The following CCNH variants were observed in gnomAD, a reference collection of about 807,000 sequenced individuals.
CCNH encodes the protein cyclin-H.
A neutral mutation model predicts 41.9 loss-of-function variants in CCNH; 31 were observed. The observed-to-expected ratio is 0.74, with a 90% CI of 0.56 to 1.00. The LOEUF is 1.00. CCNH is among the 50% of genes least tolerant of loss of function. CCNH has a pLI of 0.00. For synonymous variants in CCNH, 138 were observed against 136.1 expected (o/e 1.01, Z -0.10); for missense variants, 362 against 388.4 (o/e 0.93, Z 0.57).
downstream of CCNH, among the ~76,000 whole-genome samples, chr5:87,373,056 T>C (rs1761064942): frequency 6.6e-6 from 1 of 152,156 alleles, no homozygotes; most frequent in African/African-American, 2.4e-5. Context: ...GGATTTTTGC[T>C]AATAAGAGCA....
rs765869491 is a variant in CCNH, at chr5:87,353,193, G to A, written c.*91-34296C>T. On this transcript the variant is annotated intron_variant and NMD_transcript_variant, in intron 9 of 9. Coordinates refer to the CCNH transcript ENST00000645953. ...TCATAGATCACTATCGAAAAGAACA[G>A]ATTGTTGAAGGATATTATCTTAAGG... 4.3e-6 allele frequency: 7 copies of A among 1,610,564 alleles called. No individual in the cohort carries two copies. The East Asian group carries it at 1.3e-4, about 31-fold the overall frequency.
At chr5:87,334,142 C>T (rs1269617706) in intron 9 of CCNH, among the ~76,000 whole-genome samples, 2 of 151,980 alleles carry the variant, frequency 1.3e-5, no homozygotes, top group African/African-American at 4.8e-5. Context: ...TAGATGGAGA[C>T]AGTAAAGACC....
chr5:87,319,567 T>TAGCCAC (rs1756621093), intron 9 of CCNH, among the ~76,000 whole-genome samples: 1 of 152,156 alleles, frequency 6.6e-6, no homozygotes, highest in African/African-American at 2.4e-5. Flanking sequence ...TGGCCCCTTT[T>TAGCCAC]AGCCACAGCC....
At chr5:87,348,874 T>C (rs1202041391) in intron 9 of CCNH, among the ~76,000 whole-genome samples, 2 of 152,048 alleles carry the variant, frequency 1.3e-5, no homozygotes. Context: ...ATACAGAATT[T>C]AGCAGTTTTA....
At chr5:87,368,266 G>T (rs948142451) in intron 9 of CCNH, among the ~76,000 whole-genome samples, 4 of 151,640 alleles carry the variant, frequency 2.6e-5, no homozygotes, top group African/African-American at 9.7e-5. Flanking sequence ...ACTTTTTCAG[G>T]ACTTCATTTT....
At chr5:87,383,891 C>T (rs1267405954) in intron 9 of CCNH, 2 of 945,684 alleles carry the variant, frequency 2.1e-6, no homozygotes, top group Non-Finnish European at 3.2e-6. Flanking sequence ...CAATTCTAGT[C>T]ATGGCATATA....
chr5:87,344,322 G>C (rs868706637), intron 9 of CCNH, among the ~76,000 whole-genome samples: 38 of 151,802 alleles, frequency 2.5e-4, no homozygotes, highest in African/African-American at 8.7e-4. Context: ...CAAAATAGTT[G>C]TATACATTAC....
In CCNH at chr5:87,332,619, C is replaced by G. The variant is rs756002498; in HGVS notation, c.*91-13722G>C. ...TTGTTTGCTTAAAGGAGAAAAATTA[C>G]TTTACCCAGTTGCACCACCAGAGGC... On this transcript the variant is annotated intron_variant and NMD_transcript_variant, in intron 9 of 9. Coordinates refer to the CCNH transcript ENST00000645953. The G allele has an allele frequency of 1.2e-6, 2 of 1,610,728 alleles. No homozygotes were observed. The highest frequency in any genetic ancestry group is 4.5e-5 in the East Asian group (2 of 44,682).
chr5:87,405,107 T>C (rs746108535), intron 4 of CCNH, 100 bp from the exon 5 acceptor site: 30 of 796,186 alleles, frequency 3.8e-5, no homozygotes, highest in Non-Finnish European at 6.2e-5. Context: ...ATATATGCTA[T>C]AACATATCTA....
At chr5:87,392,528 C>T, downstream of CCNH, 1 of 354,348 alleles carries the variant, frequency 2.8e-6, no homozygotes, top group South Asian at 2.2e-5. Context: ...AACATAGTAT[C>T]CCAGGTGGTC....
In CCNH at chr5:87,404,172, G is replaced by A. The variant is rs186651225; in HGVS notation, c.689+672C>T. On this transcript the variant is annotated intron_variant, in intron 5 of 8. Coordinates refer to ENST00000256897, the MANE Select transcript of CCNH (RefSeq NM_001239.4). ...ATATTATGAAATGTGAAATACCCAAGTGATGTCTGTAATCAGGAATATTAA... is the reference window on the plus strand; with the variant it reads ...ATATTATGAAATGTGAAATACCCAAATGATGTCTGTAATCAGGAATATTAA... 1.6e-3 allele frequency among the ~76,000 whole-genome samples: 240 copies of A among 152,266 alleles called. 1 individual carries two copies. The highest frequency in any genetic ancestry group is 6.8e-3 in the Middle Eastern group (2 of 294).
intron 9 of CCNH, among the ~76,000 whole-genome samples, chr5:87,325,070 G>A (rs983016735): frequency 2.0e-5 from 3 of 152,056 alleles, no homozygotes; most frequent in Admixed American, 6.6e-5. Flanking sequence ...TCATAGTTCC[G>A]CAGGGCTGGG....
At chr5:87,339,535 TA>T (rs1758285930) in intron 9 of CCNH, among the ~76,000 whole-genome samples, 1 of 152,164 alleles carries the variant, frequency 6.6e-6, no homozygotes, top group African/African-American at 2.4e-5. Flanking sequence ...GAAATTGCAC[TA>T]TAGTTGAACT....
downstream of CCNH, among the ~76,000 whole-genome samples, chr5:87,373,673 A>T (rs559758558): frequency 1.3e-5 from 2 of 152,252 alleles, no homozygotes; most frequent in East Asian, 1.9e-4. Context: ...TAGTTTCTTT[A>T]GGTTTGTATC....
intron 4 of CCNH, among the ~76,000 whole-genome samples, chr5:87,407,732 T>C (rs185656200): frequency 2.6e-5 from 4 of 152,146 alleles, no homozygotes; most frequent in East Asian, 3.9e-4. Context: ...TTAAATGAGA[T>C]TGCAGATCAC....
chr5:87,335,615 G>C (rs1269816454), intron 9 of CCNH, among the ~76,000 whole-genome samples: 2 of 151,602 alleles, frequency 1.3e-5, no homozygotes, highest in Non-Finnish European at 2.9e-5. Flanking sequence ...TAGTAGAGAT[G>C]GGGTTTCACC....
intron 7 of CCNH, among the ~76,000 whole-genome samples, chr5:87,398,930 G>A (rs1763177687): frequency 1.3e-5 from 2 of 150,748 alleles, no homozygotes; most frequent in African/African-American, 2.4e-5. Context: ...CTGAGATCGC[G>A]CCACTGCACT....
intron 5 of CCNH, among the ~76,000 whole-genome samples, chr5:87,403,514 GCACCTGT>G (rs1763567906): frequency 6.6e-6 from 1 of 152,122 alleles, no homozygotes; most frequent in Non-Finnish European, 1.5e-5. Context: ...ATGGTGGTGT[GCACCTGT>G]CACCCCAGCA....
At chr5:87,358,849 G>GT (rs1320183626) in intron 9 of CCNH, among the ~76,000 whole-genome samples, 3 of 152,070 alleles carry the variant, frequency 2.0e-5, no homozygotes, top group Non-Finnish European at 4.4e-5. Flanking sequence ...GATCTTTGCT[G>GT]TAGCTGTTCA....
Sources: allele counts gnomAD v4.1 joint callset (sites outside exome capture counted in the v4.1 genomes callset), GRCh38; gene constraint gnomAD v4.1.1; transcripts MANE v1.5; gene names NCBI Gene and HGNC (gene_info 2026-07-23, HGNC 2026-07-21).